CDH11: variants seen among roughly 807,000 people sequenced by gnomAD.
The protein encoded by CDH11 is cadherin-11.
A neutral mutation model predicts 67.8 loss-of-function variants in CDH11; 11 were observed. The observed-to-expected ratio is 0.16, with a 90% CI of 0.10 to 0.27. CDH11 has a LOEUF of 0.27. Ranked by LOEUF, CDH11 falls within the 10% of genes least tolerant of loss-of-function variation. CDH11 has a pLI of 1.00. For synonymous variants in CDH11, 419 were observed against 400.0 expected, an observed-to-expected ratio of 1.05 and a Z score of -0.57; for missense variants, 847 against 1,031.2, an observed-to-expected ratio of 0.82 and a Z score of 2.45.
intron 11 of CDH11, among the ~76,000 whole-genome samples, chr16:64,953,299 C>CAT (rs35651574): frequency 0.25 from 37,310 of 149,268 alleles, 5,312 homozygotes; most frequent in Middle Eastern, 0.35. Context: ...TATACACACA[C>CAT]ATATATATAT....
At chr16:65,009,222 G>A (rs1330192796) in intron 2 of CDH11, among the ~76,000 whole-genome samples, 1 of 151,954 alleles carries the variant, frequency 6.6e-6, no homozygotes, top group African/African-American at 2.4e-5. Flanking sequence ...GCATGGAGAA[G>A]TAGACTATAA....
upstream of CDH11, among the ~76,000 whole-genome samples, chr16:65,122,888 C>A (rs1402806436): frequency 6.6e-6 from 1 of 152,200 alleles, no homozygotes; most frequent in Non-Finnish European, 1.5e-5. Context: ...GTATCAGTGG[C>A]CCCCGCCGGT....
chr16:65,016,240 CATT>C (rs202192687), intron 2 of CDH11, among the ~76,000 whole-genome samples: 4,703 of 152,252 alleles, frequency 0.031, 87 homozygotes, highest in Non-Finnish European at 0.047. Flanking sequence ...ATAATGATCT[CATT>C]GTTGTTTCAA....
At chr16:64,988,090 T>A in intron 7 of CDH11, 67 bp downstream of exon 7, 1 of 1,293,646 alleles carries the variant, frequency 7.7e-7, no homozygotes, top group South Asian at 1.6e-5. Context: ...CCTCCCTGTT[T>A]CTTGCAGTGT....
At chr16:65,047,199 G>A (rs2073976284) in intron 2 of CDH11, among the ~76,000 whole-genome samples, 1 of 152,184 alleles carries the variant, frequency 6.6e-6, no homozygotes, top group African/African-American at 2.4e-5. Flanking sequence ...ATATGGATGT[G>A]TGTGTTTGCA....
chr16:64,969,150 T>C (rs2071930492), intron 11 of CDH11, among the ~76,000 whole-genome samples: 1 of 152,146 alleles, frequency 6.6e-6, no homozygotes, highest in South Asian at 2.1e-4. Context: ...AAAATATAGA[T>C]GGTATCCGCA....
At chr16:64,950,112 A>G (rs1156320417) in intron 12 of CDH11, among the ~76,000 whole-genome samples, 1 of 152,184 alleles carries the variant, frequency 6.6e-6, no homozygotes, top group Non-Finnish European at 1.5e-5. Context: ...CAGCAATGGC[A>G]TATGTTCTGA....
At position 64,991,710 on chromosome 16, in the gene CDH11, G is replaced by T. The variant is rs1204331557; in HGVS notation, c.811+58C>A. 3 of 1,309,464 alleles carry T rather than the reference G, an allele frequency of 2.3e-6. No individual in the cohort carries two copies. The East Asian group carries it at 7.0e-5, about 30-fold the overall frequency. The allele number at this position is 1,309,464 out of a possible 1,614,324, so 81.1% of individuals were successfully genotyped here. A position where few individuals can be genotyped will look rare whatever the true frequency, so the allele number is the denominator to read the frequency against. On this transcript the variant is annotated intron_variant, in intron 6 of 12. Transcript: ENST00000268603. Reference sequence around the variant, plus strand: ...TCAGTAAAGCAGGAATAGGTTAGAGGAGGGAGAGAGCTGGCTGTGTCACCA... The same window carrying T: ...TCAGTAAAGCAGGAATAGGTTAGAGTAGGGAGAGAGCTGGCTGTGTCACCA...
chr16:65,001,514 A>G (rs1022325821), intron 3 of CDH11, among the ~76,000 whole-genome samples: 3 of 152,208 alleles, frequency 2.0e-5, no homozygotes, highest in Non-Finnish European at 4.4e-5. Flanking sequence ...ACAAGAAAGT[A>G]TAAATAAAAT....
At chr16:65,072,093 T>C (rs2074427743) in intron 1 of CDH11, 1 of 152,320 alleles carries the variant, frequency 6.6e-6, no homozygotes. Flanking sequence ...CCGAGGGACT[T>C]CCTTGACAGG....
At chr16:65,005,107 T>C in intron 2 of CDH11, 66 bp from the exon 3 acceptor site, 1 of 1,311,502 alleles carries the variant, frequency 7.6e-7, no homozygotes, top group Non-Finnish European at 9.7e-7. Flanking sequence ...TTCCTTTCAG[T>C]AAGCCTTCAG....
chr16:64,978,259 C>T (rs2072233789), intron 8 of CDH11, among the ~76,000 whole-genome samples: 1 of 152,016 alleles, frequency 6.6e-6, no homozygotes, highest in South Asian at 2.1e-4. Context: ...TGTTAGACAT[C>T]GAATTTGGGC....
At chr16:65,025,299 G>C (rs2073509947) in intron 2 of CDH11, among the ~76,000 whole-genome samples, 1 of 152,182 alleles carries the variant, frequency 6.6e-6, no homozygotes, top group Admixed American at 6.5e-5. Flanking sequence ...ATGATCAAAT[G>C]CTAACAGCAG....
In CDH11 at chr16:64,950,940, A is replaced by C. The variant is rs1387140321; in HGVS notation, c.1721T>G (p.Ile574Ser). 6.2e-7 allele frequency: 1 copy of C among 1,614,068 alleles called. No homozygotes were observed. The highest frequency in any genetic ancestry group is 1.3e-5 in the African/African-American group (1 of 74,930). ...CATGGGCGGGATGCCGCCATCGCTG[A>C]TCACTATGGGCAGAAGGTACAAGTC... ...KQDLYLLPIV[I>S]SDGGIPPMSS... The change falls in exon 12 of 13, where the codon ATC (isoleucine) becomes AGC (serine). Residue 574 changes from isoleucine to serine, a missense_variant. By Grantham distance (142) the Ile-to-Ser change is moderately radical. Around this residue, in one of 2 missense-constraint regions of CDH11, gnomAD observed 612 missense variants for 678.7 expected, o/e 0.90. Transcript: ENST00000268603.
intron 2 of CDH11, among the ~76,000 whole-genome samples, chr16:65,033,069 C>A (rs1377708635): frequency 6.6e-6 from 1 of 152,176 alleles, no homozygotes; most frequent in Non-Finnish European, 1.5e-5. Context: ...GATGAGGTGA[C>A]AGCAAGCCTG....
Position 64,944,101 on chromosome 16 carries a change from G to A in CDH11, c.*3502C>T, listed in dbSNP as rs953926047. 2 of 232,634 alleles carry A rather than the reference G, an allele frequency of 8.6e-6. No individual in the cohort carries two copies. The highest frequency in any genetic ancestry group is 5.6e-5 in the Admixed American group (1 of 17,740). 14.4% of individuals were successfully genotyped at this position (232,634 alleles called of 1,614,324 possible). A position where few individuals can be genotyped will look rare whatever the true frequency, so the allele number is the denominator to read the frequency against. On this transcript the variant is annotated 3_prime_UTR_variant, in exon 13 of 13. Transcript: ENST00000268603. ...ACACTGGAGAGGTTCGCAGGGCCCTGTTCATGTAAAGCAATAAAATAAAGG... is the reference window on the plus strand; with the variant it reads ...ACACTGGAGAGGTTCGCAGGGCCCTATTCATGTAAAGCAATAAAATAAAGG...
chr16:65,061,976 A>G (rs1416802874), intron 1 of CDH11, among the ~76,000 whole-genome samples: 2 of 152,202 alleles, frequency 1.3e-5, no homozygotes, highest in Non-Finnish European at 2.9e-5. Flanking sequence ...CCTCAATCAC[A>G]AAGCCACTCA....
chr16:65,101,301 CACCACAGCCAAAGGCACAGGTTCT>C (rs1195260885), intron 1 of CDH11, among the ~76,000 whole-genome samples: 1 of 152,162 alleles, frequency 6.6e-6, no homozygotes, highest in African/African-American at 2.4e-5. Context: ...ACAAGCAGAG[CACCACAGCCAAAGGCACAGGTTCT>C]TCTCTGGGCA....
chr16:64,972,173 G>A (rs2072025268), intron 9 of CDH11, 109 bp from the exon 10 acceptor site: 1 of 900,114 alleles, frequency 1.1e-6, no homozygotes, highest in African/African-American at 1.7e-5. Flanking sequence ...GGGCAGTGCA[G>A]GGAAAGATGT....
Sources: gnomAD v4.1 joint callset for allele counts (sites outside exome capture counted in the v4.1 genomes callset) on GRCh38, gnomAD v4.1.1 for gene constraint, gnomAD v4.1.1 regional missense constraint, MANE v1.5 for transcripts, NCBI Gene and HGNC (gene_info 2026-07-23, HGNC 2026-07-21) for gene names.